Variants in PPP2R2B observed in about 807,000 individuals in gnomAD.
PPP2R2B encodes the protein protein phosphatase 2 regulatory subunit Bbeta.
A neutral mutation model predicts 46.0 loss-of-function variants in PPP2R2B; 5 were observed. That is an observed-to-expected ratio of 0.11 (90% confidence interval 0.06 to 0.23). The LOEUF is 0.23. PPP2R2B is among the 10% of genes least tolerant of loss of function. The probability of loss-of-function intolerance (pLI) is 1.00; values close to 1 mark genes in which losing one functional copy is unlikely to be tolerated. For synonymous variants in PPP2R2B, 215 were observed against 206.7 expected, an observed-to-expected ratio of 1.04 and a Z score of -0.34; for missense variants, 367 against 575.0, an observed-to-expected ratio of 0.64 and a Z score of 3.70.
chr5:146,933,889 G>A (rs1330804132), intron 1 of PPP2R2B, among the ~76,000 whole-genome samples: 4 of 139,590 alleles, frequency 2.9e-5, no homozygotes, highest in South Asian at 2.2e-4. Flanking sequence ...TGTCCATGTG[G>A]TCTCATTGTT....
At position 146,697,930 on chromosome 5, in the gene PPP2R2B, A is replaced by C. The variant is rs749071388; in HGVS notation, c.334+49T>G. On this transcript the variant is annotated intron_variant, in intron 4 of 9. Transcript: ENST00000394411. ...GAGGTTAAGAGAGATTGAAGTATAT[A>C]GTTTGGCCGACTGTATCTCTGAAAA... The C allele has an allele frequency of 4.6e-6, 7 of 1,536,440 alleles. No homozygotes were observed. In the African/African-American group the frequency reaches 5.6e-5, roughly 12 times the overall value.
At chr5:146,615,502 T>TAAAA (rs533328196) in intron 7 of PPP2R2B, among the ~76,000 whole-genome samples, 1 of 44,932 alleles carries the variant, frequency 2.2e-5, no homozygotes, top group African/African-American at 7.9e-5. Context: ...TAGAGTATAA[T>TAAAA]AAAAAAAAAA....
chr5:146,856,385 A>C, intron 2 of PPP2R2B: 1 of 776,236 alleles, frequency 1.3e-6, no homozygotes, highest in Non-Finnish European at 2.1e-6. Flanking sequence ...AACTATTTAA[A>C]AAATGTAAAT....
intron 2 of PPP2R2B, among the ~76,000 whole-genome samples, chr5:146,718,917 T>G (rs1780640907): frequency 6.6e-6 from 1 of 152,192 alleles, no homozygotes; most frequent in Non-Finnish European, 1.5e-5. Flanking sequence ...AGTGATGCAG[T>G]GAAGGCTGCC....
At chr5:146,846,357 C>T (rs1356568378) in intron 2 of PPP2R2B, among the ~76,000 whole-genome samples, 4 of 148,922 alleles carry the variant, frequency 2.7e-5, no homozygotes, top group Non-Finnish European at 4.4e-5. Context: ...CCAGCCTGGG[C>T]GACAGAGTGA....
At chr5:146,834,714 T>TTGATATACGATCC (rs148647362) in intron 2 of PPP2R2B, among the ~76,000 whole-genome samples, 6,460 of 152,248 alleles carry the variant, frequency 0.042, 200 homozygotes, top group African/African-American at 0.091. Flanking sequence ...GTGTTGAGAC[T>TTGATATACGATCC]TGTCACCCAA....
intron 1 of PPP2R2B, among the ~76,000 whole-genome samples, chr5:146,981,791 T>C (rs764672304): frequency 6.6e-6 from 1 of 152,178 alleles, no homozygotes; most frequent in Non-Finnish European, 1.5e-5. Flanking sequence ...TGTTCTCCAA[T>C]CCTATAATTT....
intron 1 of PPP2R2B, among the ~76,000 whole-genome samples, chr5:147,024,252 G>T (rs1755426160): frequency 6.6e-6 from 1 of 151,848 alleles, no homozygotes; most frequent in South Asian, 2.1e-4. Flanking sequence ...TGATAAAAGG[G>T]TCAGTACATC....
intron 1 of PPP2R2B, among the ~76,000 whole-genome samples, chr5:146,984,110 T>A (rs1350231743): frequency 6.6e-6 from 1 of 152,220 alleles, no homozygotes; most frequent in Admixed American, 6.5e-5. Context: ...AAATTTACTC[T>A]CTTGGCAATT....
At chr5:147,081,102 G>A in exon 2 of PPP2R2B, 1 of 1,535,654 alleles carries the variant, frequency 6.5e-7, no homozygotes, top group Non-Finnish European at 8.7e-7. Flanking sequence ...CTTGGCTGAA[G>A]CACCATAGTG....
chr5:146,644,557 C>T (rs1775453353), intron 6 of PPP2R2B, among the ~76,000 whole-genome samples: 1 of 152,162 alleles, frequency 6.6e-6, no homozygotes, highest in Non-Finnish European at 1.5e-5. Context: ...GACCAGGAAC[C>T]TCATCTCGAT....
At chr5:146,670,474 C>A (rs1301572409) in intron 5 of PPP2R2B, among the ~76,000 whole-genome samples, 1 of 95,920 alleles carries the variant, frequency 1.0e-5, no homozygotes, top group Non-Finnish European at 2.1e-5. Flanking sequence ...TTTATGTGTA[C>A]TATTATTTAT....
At position 146,701,076 on chromosome 5, in the gene PPP2R2B, C is replaced by T; in HGVS notation, c.137G>A (p.Gly46Asp). The T allele has an allele frequency of 6.2e-7, 1 of 1,613,496 alleles. No individual in the cohort carries two copies. Among genetic ancestry groups the T allele is most frequent in the Non-Finnish European group, 8.5e-7 (1 of 1,179,438 alleles). Reference protein sequence around the residue: ...GELLATGDKGGRVVIFQREQE... With the variant: ...GELLATGDKGDRVVIFQREQE... ...CTCTCGTTGAAATATTACAACCCGA[C>T]CCCCCTTGTCCCCTGTCGCTAGTAA... Residue 46 changes from glycine to aspartate, a missense_variant, in exon 3 of 10, where the codon GGT becomes GAT. By Grantham distance (94) the Gly-to-Asp change is moderately conservative (BLOSUM62 -1). Around this residue, in one of 2 missense-constraint regions of PPP2R2B, gnomAD observed 361 missense variants for 545.5 expected, o/e 0.66. Coordinates refer to ENST00000394411, the MANE Select transcript of PPP2R2B (RefSeq NM_181675.4).
intron 2 of PPP2R2B, among the ~76,000 whole-genome samples, chr5:146,844,295 T>C (rs1759849974): frequency 6.6e-6 from 1 of 150,448 alleles, no homozygotes; most frequent in Non-Finnish European, 1.5e-5. Context: ...ATGGCACATG[T>C]ATACATATGT....
In PPP2R2B at chr5:146,624,853, C is replaced by A. The variant is rs111826674; in HGVS notation, c.790+13398G>T. On this transcript the variant is annotated intron_variant, in intron 7 of 9. Transcript: ENST00000394411. ...TCCTCCTTATGGTACTGTACACAGC[C>A]CAGCTGGTCATCTTTCTGCCCTGTG... 7.5e-3 allele frequency among the ~76,000 whole-genome samples: 1,143 copies of A among 152,282 alleles called. 25 individuals are homozygous for A. Among genetic ancestry groups the A allele is most frequent in the African/African-American group, 0.026 (1,087 of 41,542 alleles).
In PPP2R2B at chr5:146,888,431, G is replaced by A. The variant is rs775535340; in HGVS notation, c.79+167234C>T. The stretch of plus-strand genomic sequence containing the variant: ...ACCACTACTCACCATCTCCACTGCT[G>A]CTACCATGCTCCAACTATCATCCTA... On this transcript the variant is annotated intron_variant, in intron 1 of 8. Transcript: ENST00000336640. Among the ~76,000 whole-genome samples, 2 of 152,018 alleles carry A rather than the reference G, an allele frequency of 1.3e-5. 1 individual carries two copies. Among genetic ancestry groups the A allele is most frequent in the Non-Finnish European group, 2.9e-5 (2 of 68,028 alleles).
chr5:147,010,996 T>TCAG (rs1399773959), intron 1 of PPP2R2B, among the ~76,000 whole-genome samples: 1 of 152,058 alleles, frequency 6.6e-6, no homozygotes, highest in Non-Finnish European at 1.5e-5. Flanking sequence ...CTCAAAACCC[T>TCAG]CCAGTGGCTG....
intron 1 of PPP2R2B, among the ~76,000 whole-genome samples, chr5:146,886,468 T>C (rs1762331762): frequency 6.6e-6 from 1 of 152,138 alleles, no homozygotes; most frequent in African/African-American, 2.4e-5. Context: ...AGTTTGAATC[T>C]TATGGCATGT....
At chr5:146,969,551 G>C (rs1481859136) in intron 1 of PPP2R2B, among the ~76,000 whole-genome samples, 1 of 152,084 alleles carries the variant, frequency 6.6e-6, no homozygotes, top group Middle Eastern at 3.2e-3. Context: ...GTATAGGAAA[G>C]AGAGAGGCTA....
Sources: gnomAD v4.1 joint callset for allele counts (sites outside exome capture counted in the v4.1 genomes callset) on GRCh38, gnomAD v4.1.1 for gene constraint, gnomAD v4.1.1 regional missense constraint, MANE v1.5 for transcripts, NCBI Gene and HGNC (gene_info 2026-07-23, HGNC 2026-07-21) for gene names.